The following OSCP1 variants were observed in gnomAD, a reference collection of about 807,000 sequenced individuals.
OSCP1 encodes protein OSCP1.
Under a neutral mutation model 45.1 loss-of-function variants are expected in OSCP1, and 35 were observed. That is an observed-to-expected ratio of 0.78 (90% CI 0.59 to 1.03). The LOEUF is 1.03. Ranked by LOEUF, OSCP1 falls within the 50% of genes least tolerant of loss-of-function variation. The pLI is 0.00. For synonymous variants in OSCP1, 179 were observed against 180.1 expected (o/e 0.99, Z 0.05); for missense variants, 400 against 470.7 (o/e 0.85, Z 1.39).
intron 1 of OSCP1, among the ~76,000 whole-genome samples, chr1:36,446,182 CA>C (rs1338833165): frequency 6.6e-6 from 1 of 151,280 alleles, no homozygotes; most frequent in East Asian, 1.9e-4. Context: ...GCCACCACAA[CA>C]GGGTAATTTT....
Position 36,420,408 on chromosome 1 carries a change from A to G in OSCP1, c.959+68T>C, listed in dbSNP as rs1647546902. The stretch of plus-strand genomic sequence containing the variant: ...TTTATAAGTGCCACTGGTTTGTAAT[A>G]GTCATTTTGTGTTCTTGTCATGCTT... On this transcript the variant is annotated intron_variant, in intron 8 of 9. Transcript: ENST00000235532. The G allele has an allele frequency of 3.3e-6, 5 of 1,532,414 alleles. No individual in the cohort carries two copies. The South Asian group carries it at 6.0e-5, about 18-fold the overall frequency. 94.9% of individuals were successfully genotyped at this position (1,532,414 alleles called of 1,614,324 possible).
At position 36,447,054 on chromosome 1, in the gene OSCP1, T is replaced by C. The variant is rs1028412965; in HGVS notation, c.112+3204A>G. 3.3e-5 allele frequency among the ~76,000 whole-genome samples: 5 copies of C among 152,146 alleles called. No individual in the cohort carries two copies. Among genetic ancestry groups the C allele is most frequent in the Non-Finnish European group, 5.9e-5 (4 of 68,026 alleles). ...ACAGGGATGGCCTCCAGGAGACCAATTAGTCGTATAAGATAATGAAAACAT... is the reference window on the plus strand; with the variant it reads ...ACAGGGATGGCCTCCAGGAGACCAACTAGTCGTATAAGATAATGAAAACAT... On this transcript the variant is annotated intron_variant, in intron 1 of 9. Transcript: ENST00000235532. This position sits in a 1 kb window ranked among gnomAD's most constrained non-coding sequence, Gnocchi z 4.1.
At chr1:36,418,550 A>G in intron 9 of OSCP1, 1 of 454,274 alleles carries the variant, frequency 2.2e-6, no homozygotes, top group South Asian at 2.5e-5. Context: ...ACAGCACTTA[A>G]CAGCTATATT....
rs1426168447 is a variant in OSCP1, at chr1:36,450,424, C to T, written c.-55G>A. The T allele has an allele frequency of 6.9e-7, 1 of 1,448,880 alleles. No homozygotes were observed. The highest frequency in any genetic ancestry group is 1.1e-5 in the South Asian group (1 of 87,248). 89.8% of individuals were successfully genotyped at this position (1,448,880 alleles called of 1,614,324 possible). On this transcript the variant is annotated 5_prime_UTR_variant, in exon 1 of 10. Transcript: ENST00000235532. Reference sequence around the variant, plus strand: ...AGCCCCGGGGTTCGGTAGCCAGTGGCCTGAAGGCCAGGCCGCAGCGTCCCA... The same window carrying T: ...AGCCCCGGGGTTCGGTAGCCAGTGGTCTGAAGGCCAGGCCGCAGCGTCCCA...
intron 2 of OSCP1, among the ~76,000 whole-genome samples, chr1:36,438,317 CAAA>C (rs35430845): frequency 4.1e-5 from 3 of 73,796 alleles, no homozygotes; most frequent in African/African-American, 6.0e-5. Context: ...AACTCCATCT[CAAA>C]AAAAAAAAAA....
intron 1 of OSCP1, chr1:36,444,016 C>G (rs757388284): frequency 6.2e-7 from 1 of 1,613,698 alleles, no homozygotes; most frequent in Non-Finnish European, 8.5e-7. Flanking sequence ...CGTTTTCTGT[C>G]CACCTCTGTC....
At position 36,431,883 on chromosome 1, in the gene OSCP1, C is replaced by T; in HGVS notation, c.436-1G>A. 6.2e-7 allele frequency: 1 copy of T among 1,612,662 alleles called. No individual in the cohort carries two copies. Among genetic ancestry groups the T allele is most frequent in the South Asian group, 1.1e-5 (1 of 91,030 alleles). ...CCCCTGCAGAGAGACCACCATATATCTGCCAAAGGCAAGCAGAAAGCAGCA... is the reference window on the plus strand; with the variant it reads ...CCCCTGCAGAGAGACCACCATATATTTGCCAAAGGCAAGCAGAAAGCAGCA... On this transcript the variant is annotated splice_acceptor_variant, in intron 3 of 9. Transcript: ENST00000235532. LOFTEE classifies it high-confidence loss of function.
rs200043573 is a variant in OSCP1, at chr1:36,429,535, A to ATTTTTTTTTTTTTTTTTTTTTT, written c.516+2245_516+2266dup. 1.7e-4 allele frequency among the ~76,000 whole-genome samples: 17 copies of ATTTTTTTTTTTTTTTTTTTTTT among 100,318 alleles called. 2 individuals are homozygous for ATTTTTTTTTTTTTTTTTTTTTT. The highest frequency in any genetic ancestry group is 6.3e-4 in the African/African-American group (15 of 23,904). 65.8% of individuals were successfully genotyped at this position (100,318 alleles called of 152,430 possible). On this transcript the variant is annotated intron_variant, in intron 4 of 9. Coordinates refer to ENST00000235532, the MANE Select transcript of OSCP1 (RefSeq NM_145047.5). ...CACATTCAAAATTCAGAAGCTTAGA[A>ATTTTTTTTTTTTTTTTTTTTTT]TTTTTTTTTTTTTTTTTTTTTTTTT...
chr1:36,428,210 A>AAAT, intron 4 of OSCP1: 4 of 1,292,628 alleles, frequency 3.1e-6, no homozygotes, highest in Non-Finnish European at 4.0e-6. Context: ...AAAAAAAAAA[A>AAAT]GAAAGAAAAA....
At chr1:36,421,963 T>A (rs1307846329) in intron 7 of OSCP1, 187 bp downstream of exon 7, 9 of 611,776 alleles carry the variant, frequency 1.5e-5, no homozygotes, top group Non-Finnish European at 2.6e-5. Flanking sequence ...ATTAGTGAGA[T>A]CACTGGAAGT....
Position 36,438,873 on chromosome 1 carries a change from C to T in OSCP1, c.150G>A (p.Lys50=). ...GAGGCTTGAATAATTCCTCCATAAA[C>T]TTTCTATTGAACATGGTGGAGATGA... ...NDIISTMFNR[K]FMEELFKPQE... is the part of the protein sequence containing the mutation. The change falls in exon 2 of 10, where the codon AAG becomes AAA. Residue 50 remains lysine (K), a synonymous_variant. Coordinates refer to ENST00000235532, the MANE Select transcript of OSCP1 (RefSeq NM_145047.5). The T allele has an allele frequency of 1.9e-6, 3 of 1,614,198 alleles. No homozygotes were observed. The highest frequency in any genetic ancestry group is 2.5e-6 in the Non-Finnish European group (3 of 1,180,020).
chr1:36,436,097 TCTCTC>T (rs1557560413), intron 2 of OSCP1, among the ~76,000 whole-genome samples: 2 of 121,454 alleles, frequency 1.6e-5, no homozygotes. Flanking sequence ...TCTTTCTCTC[TCTCTC>T]TATTTTTTTT....
chr1:36,426,846 C>T (rs932677203), intron 4 of OSCP1, among the ~76,000 whole-genome samples: 3 of 152,130 alleles, frequency 2.0e-5, no homozygotes, highest in Non-Finnish European at 2.9e-5. Context: ...GCCGGGACTA[C>T]AGGCATGTGC....
rs202237610 is a variant in OSCP1, at chr1:36,420,608, A to C, written c.827T>G (p.Ile276Ser). Residue 276 changes from isoleucine to serine, a missense_variant, in exon 8 of 10, where the codon ATT becomes AGT. Coordinates refer to ENST00000235532, the MANE Select transcript of OSCP1 (RefSeq NM_145047.5). ...TTCTTTAGCAAGAGGGTTTGGAGCA[A>C]TGCTTTCCTGCAGAAACAGTTGCAT... is the stretch of plus-strand genomic sequence containing the variant. ...KNLASWTQES[I>S]APNPLAKEEL... 19 of 1,613,142 alleles carry C rather than the reference A, an allele frequency of 1.2e-5. No homozygotes were observed. The highest frequency in any genetic ancestry group is 1.3e-5 in the African/African-American group (1 of 74,884).
intron 1 of OSCP1, chr1:36,444,081 A>G (rs1159573681): frequency 2.5e-6 from 4 of 1,579,054 alleles, no homozygotes; most frequent in East Asian, 4.5e-5. Context: ...AAGCAAGAAC[A>G]TTATTTTCAA....
At position 36,424,514 on chromosome 1, in the gene OSCP1, C is replaced by A. The variant is rs138857193; in HGVS notation, c.517-1048G>T. 3.3e-3 allele frequency among the ~76,000 whole-genome samples: 502 copies of A among 152,284 alleles called. 2 individuals carry two copies. Among genetic ancestry groups the A allele is most frequent in the African/African-American group, 0.011 (474 of 41,560 alleles). On this transcript the variant is annotated intron_variant, in intron 4 of 9. Coordinates refer to ENST00000235532, the MANE Select transcript of OSCP1 (RefSeq NM_145047.5). ...CAGCTCAGAGGTTAAGATGCCTCCT[C>A]AAGGTCAGCCAGCTGGTAAGGGGCA... is the stretch of plus-strand genomic sequence containing the variant.
chr1:36,435,858 T>C (rs549222817), intron 2 of OSCP1, among the ~76,000 whole-genome samples: 1 of 152,144 alleles, frequency 6.6e-6, no homozygotes, highest in South Asian at 2.1e-4. Context: ...GGTCTCGATC[T>C]CTTGACCTCG....
intron 8 of OSCP1, 114 bp downstream of exon 8, chr1:36,420,362 T>C: frequency 8.0e-7 from 1 of 1,249,516 alleles, no homozygotes; most frequent in East Asian, 2.4e-5. Context: ...TGGTATTTTA[T>C]TTGTGATATT....
intron 8 of OSCP1, among the ~76,000 whole-genome samples, chr1:36,419,996 GAC>G (rs1490215655): frequency 2.1e-5 from 3 of 146,040 alleles, no homozygotes; most frequent in Non-Finnish European, 4.5e-5. Context: ...TTTTTTTTGA[GAC>G]AGAGTCTTGC....
Sources: gnomAD v4.1 joint callset for allele counts (sites outside exome capture counted in the v4.1 genomes callset) on GRCh38, gnomAD v4.1.1 for gene constraint, Gnocchi (gnomAD v3.1) non-coding constraint, MANE v1.5 for transcripts, NCBI Gene and HGNC (gene_info 2026-07-23, HGNC 2026-07-21) for gene names.